The following GABRA3 variants were observed in gnomAD, a reference collection of about 807,000 sequenced individuals.
The protein encoded by GABRA3 is gamma-aminobutyric acid receptor subunit alpha-3.
In GABRA3, 10 loss-of-function variants were observed where a neutral mutation model predicts 30.1. The observed-to-expected ratio is 0.33, with a 90% confidence interval of 0.20 to 0.56. GABRA3 has a LOEUF of 0.56. Among genes scored for constraint, GABRA3 ranks in the 20% least tolerant of loss-of-function variants. The pLI, the probability that GABRA3 is intolerant of heterozygous loss-of-function variation, is 0.89. For missense variants in GABRA3, 233 were observed against 392.0 expected, an observed-to-expected ratio of 0.59 and a Z score of 3.42; for synonymous variants, 151 against 146.8, an observed-to-expected ratio of 1.03 and a Z score of -0.21.
At chrX:152,293,388 T>G (rs1939460165) in intron 3 of GABRA3, among the ~76,000 whole-genome samples, 1 of 111,341 alleles carries the variant, frequency 9.0e-6, no homozygotes, top group Non-Finnish European at 1.9e-5. Flanking sequence ...TGCTTTTTTT[T>G]GTTTTGTTTT....
intron 1 of GABRA3, among the ~76,000 whole-genome samples, chrX:152,418,353 A>C (rs1339887518): frequency 8.9e-6 from 1 of 112,171 alleles, no homozygotes; most frequent in Non-Finnish European, 1.9e-5. Flanking sequence ...AATTTAATTA[A>C]GTTAGAAAAA....
At chrX:152,235,988 T>A (rs1298334728) in intron 5 of GABRA3, among the ~76,000 whole-genome samples, 1 of 107,151 alleles carries the variant, frequency 9.3e-6, no homozygotes, top group Non-Finnish European at 1.9e-5. Flanking sequence ...TATCTTTATT[T>A]TTTTTTTAAT....
intron 1 of GABRA3, among the ~76,000 whole-genome samples, chrX:152,402,773 G>T (rs1002881749): frequency 1.8e-5 from 2 of 111,808 alleles, no homozygotes; most frequent in African/African-American, 6.5e-5. Flanking sequence ...TACCAAGAAT[G>T]GGGATACAAA....
intron 1 of GABRA3, among the ~76,000 whole-genome samples, chrX:152,413,889 C>T (rs1252389242): frequency 5.5e-5 from 6 of 108,873 alleles, no homozygotes; most frequent in Admixed American, 9.8e-5. Context: ...TAGAAAATCC[C>T]GAGGAATAAA....
chrX:152,381,275 A>G (rs1048253835), intron 1 of GABRA3, among the ~76,000 whole-genome samples: 19 of 112,136 alleles, frequency 1.7e-4, no homozygotes, highest in Non-Finnish European at 3.0e-4. Context: ...GACACTGATT[A>G]TGCTTTTAAT....
intron 5 of GABRA3, among the ~76,000 whole-genome samples, chrX:152,241,473 G>C (rs979202606): frequency 9.4e-6 from 1 of 106,728 alleles, no homozygotes; most frequent in Non-Finnish European, 2.0e-5. Context: ...TCTGTGCCCT[G>C]CCCCCAGAGG....
intron 3 of GABRA3, among the ~76,000 whole-genome samples, chrX:152,294,170 C>T (rs1255451462): frequency 9.0e-6 from 1 of 111,346 alleles, no homozygotes; most frequent in Non-Finnish European, 1.9e-5. Flanking sequence ...TGAACATTGG[C>T]CTACCTTGCT....
intron 1 of GABRA3, among the ~76,000 whole-genome samples, chrX:152,367,908 T>C (rs931811579): frequency 8.9e-5 from 10 of 112,127 alleles, no homozygotes; most frequent in South Asian, 7.4e-4. Context: ...ACAAGTCTCA[T>C]TGGCATTCCA....
chrX:152,411,963 G>C (rs1432652763), intron 1 of GABRA3, among the ~76,000 whole-genome samples: 1 of 110,947 alleles, frequency 9.0e-6, no homozygotes, highest in Non-Finnish European at 1.9e-5. Context: ...TTTAAAAAAA[G>C]AATCACATAA....
At chrX:152,290,854 T>C (rs1038305016) in intron 3 of GABRA3, among the ~76,000 whole-genome samples, 6 of 111,835 alleles carry the variant, frequency 5.4e-5, no homozygotes, top group Non-Finnish European at 9.4e-5. Context: ...AAGGCCTCTG[T>C]TCTGTTCCAT....
At chrX:152,326,683 C>T (rs373295538) in intron 3 of GABRA3, among the ~76,000 whole-genome samples, 2 of 111,355 alleles carry the variant, frequency 1.8e-5, no homozygotes, top group African/African-American at 3.3e-5. Context: ...CAGGCCTGCC[C>T]TAAAAGAGCT....
intron 1 of GABRA3, among the ~76,000 whole-genome samples, chrX:152,428,534 G>T (rs1414503175): frequency 8.9e-6 from 1 of 112,021 alleles, no homozygotes; most frequent in African/African-American, 3.2e-5. Flanking sequence ...GAGGAAGGTT[G>T]CATTAATATA....
chrX:152,169,607 C>T (rs1302585685), intron 9 of GABRA3, among the ~76,000 whole-genome samples: 1 of 111,826 alleles, frequency 8.9e-6, no homozygotes, highest in East Asian at 2.8e-4. Flanking sequence ...GGGAAGGAGG[C>T]CAACCCCAGC....
intron 1 of GABRA3, among the ~76,000 whole-genome samples, chrX:152,439,135 TA>T (rs1268088481): frequency 2.7e-5 from 3 of 109,921 alleles, no homozygotes; most frequent in Non-Finnish European, 3.8e-5. Context: ...TTATTATTAT[TA>T]TTATTTTTTG....
chrX:152,395,725 T>C (rs1173134137), intron 1 of GABRA3, among the ~76,000 whole-genome samples: 2 of 111,085 alleles, frequency 1.8e-5, no homozygotes, highest in South Asian at 3.8e-4. Flanking sequence ...ACAGGAACAG[T>C]TGGATATAGT....
chrX:152,294,860 G>C (rs1939496276), intron 3 of GABRA3, among the ~76,000 whole-genome samples: 1 of 110,589 alleles, frequency 9.0e-6, no homozygotes, highest in African/African-American at 3.3e-5. Flanking sequence ...CTTTCTCTTT[G>C]TTAGTTTTCC....
rs373929244 is a variant in GABRA3, at chrX:152,238,206, T to C, written c.552-13361A>G. On this transcript the variant is annotated intron_variant, in intron 5 of 9. Coordinates refer to ENST00000370314, the MANE Select transcript of GABRA3 (RefSeq NM_000808.4). ...TATTGAGAGTTTTTATCATGAAGGG[T>C]TGTTGAATTTTGTCAAAGGCTTTTT... 1.2e-3 allele frequency among the ~76,000 whole-genome samples: 125 copies of C among 102,363 alleles called. 3 individuals are homozygous for C. The East Asian group carries it at 0.03, about 24-fold the overall frequency. 88.9% of individuals were successfully genotyped at this position (102,363 alleles called of 115,157 possible).
At chrX:152,282,457 T>G (rs748058681) in intron 4 of GABRA3, among the ~76,000 whole-genome samples, 29 of 112,114 alleles carry the variant, frequency 2.6e-4, no homozygotes, top group African/African-American at 9.1e-4. Flanking sequence ...AATATGCTTT[T>G]TAGCCAGAAT....
intron 1 of GABRA3, among the ~76,000 whole-genome samples, chrX:152,430,873 ATAG>A (rs1026874055): frequency 2.7e-5 from 3 of 110,623 alleles, no homozygotes; most frequent in African/African-American, 9.9e-5. Flanking sequence ...CAATATTAAA[ATAG>A]TAGGAGGGAA....
Sources: allele counts gnomAD v4.1 joint callset (sites outside exome capture counted in the v4.1 genomes callset), GRCh38; gene constraint gnomAD v4.1.1; transcripts MANE v1.5; gene names NCBI Gene and HGNC (gene_info 2026-07-23, HGNC 2026-07-21).